ZNF236: variants seen among roughly 807,000 people sequenced by gnomAD.
ZNF236 encodes zinc finger protein 236.
A neutral mutation model predicts 191.2 loss-of-function variants in ZNF236; 50 were observed. The observed-to-expected ratio is 0.26, with a 90% CI of 0.21 to 0.33. The LOEUF (loss-of-function observed/expected upper bound fraction) is 0.33, where lower values mean the gene tolerates loss of function less well. ZNF236 is among the 10% of genes least tolerant of loss of function. The pLI is 1.00. For synonymous variants in ZNF236, 907 were observed against 928.8 expected, an observed-to-expected ratio of 0.98 and a Z score of 0.43; for missense variants, 1,754 against 2,374.5, an observed-to-expected ratio of 0.74 and a Z score of 5.43.
chr18:76,937,115 C>T (rs1968021124), intron 25 of ZNF236, 41 bp from the exon 26 acceptor site: 2 of 1,590,608 alleles, frequency 1.3e-6, no homozygotes, highest in Non-Finnish European at 1.7e-6. Context: ...CTGGACTTGT[C>T]TGGCCTTCCC....
At chr18:76,908,205 G>A (rs1299923381) in intron 13 of ZNF236, 115 bp from the exon 14 acceptor site, 9 of 1,369,706 alleles carry the variant, frequency 6.6e-6, no homozygotes, top group African/African-American at 1.4e-5. Context: ...ACTTCAAAAT[G>A]AAATCATTAA....
intron 30 of ZNF236, among the ~76,000 whole-genome samples, chr18:76,964,761 T>TGTTTAGGATTGTGGTATTGTCC (rs1267493196): frequency 6.6e-6 from 1 of 152,210 alleles, no homozygotes; most frequent in Non-Finnish European, 1.5e-5. Context: ...GGTGCATGTA[T>TGTTTAGGATTGTGGTATTGTCC]GTTTAGGATT....
At chr18:76,874,302 A>T (rs1976658330) in intron 5 of ZNF236, among the ~76,000 whole-genome samples, 1 of 152,170 alleles carries the variant, frequency 6.6e-6, no homozygotes, top group Non-Finnish European at 1.5e-5. Context: ...CAGGGATCTG[A>T]TGTTATTATG....
rs537537640 is a variant in ZNF236, at chr18:76,896,061, A to G, written c.1690+776A>G. ...ATGGGTACTAAACTCAGTATCAAGC[A>G]CAGTACCAAACACAGTACTAAATAC... is the stretch of plus-strand genomic sequence containing the variant. On this transcript the variant is annotated intron_variant, in intron 10 of 30. Coordinates refer to ENST00000320610, the MANE Select transcript of ZNF236 (RefSeq NM_001306089.2). 2.0e-5 allele frequency among the ~76,000 whole-genome samples: 3 copies of G among 152,070 alleles called. No homozygotes were observed. The South Asian group carries it at 6.2e-4, about 32-fold the overall frequency.
At position 76,968,981 on chromosome 18, in the gene ZNF236, A is replaced by G; in HGVS notation, c.*642A>G. The G allele has an allele frequency of 1.0e-6, 1 of 985,980 alleles. No individual in the cohort carries two copies. The highest frequency in any genetic ancestry group is 1.2e-6 in the Non-Finnish European group (1 of 830,028). The allele number at this position is 985,980 out of a possible 1,614,324, so 61.1% of individuals were successfully genotyped here. On this transcript the variant is annotated 3_prime_UTR_variant, in exon 31 of 31. Transcript: ENST00000320610. ...AGAATGCAGTATCTGGGGCGTCAAC[A>G]TGGGGACTCGAGTAAACCTGACCCA... is the stretch of plus-strand genomic sequence containing the variant.
chr18:76,948,646 C>T (rs1238434489), intron 27 of ZNF236, among the ~76,000 whole-genome samples: 2 of 152,212 alleles, frequency 1.3e-5, no homozygotes, highest in African/African-American at 2.4e-5. Flanking sequence ...CCAGTGAGGT[C>T]ACACGGACAC....
At chr18:76,849,716 A>C in intron 2 of ZNF236, 48 bp downstream of exon 2, 2 of 1,420,188 alleles carry the variant, frequency 1.4e-6, no homozygotes, top group Non-Finnish European at 1.9e-6. Context: ...TTGAAACTGG[A>C]GGTATTGTAA....
At chr18:76,854,856 G>A (rs1227839155) in intron 3 of ZNF236, among the ~76,000 whole-genome samples, 1 of 152,014 alleles carries the variant, frequency 6.6e-6, no homozygotes, top group East Asian at 1.9e-4. Context: ...ACCTTCTCTT[G>A]CAGAGTTTAG....
intron 12 of ZNF236, among the ~76,000 whole-genome samples, chr18:76,904,740 A>G (rs1223084745): frequency 3.3e-5 from 5 of 152,362 alleles, no homozygotes; most frequent in Non-Finnish European, 5.9e-5. Context: ...GTATATGCTC[A>G]TTAAATTTCA....
At chr18:76,895,969 G>T (rs930629657) in intron 10 of ZNF236, among the ~76,000 whole-genome samples, 1 of 151,588 alleles carries the variant, frequency 6.6e-6, no homozygotes, top group Non-Finnish European at 1.5e-5. Context: ...AGTATGGCCC[G>T]CAGTGCTGCA....
Position 76,913,799 on chromosome 18 carries a change from G to A in ZNF236, c.2962G>A (p.Val988Met), listed in dbSNP as rs551622888. ...FKKSSHLKQH[V>M]RSHTGEKPYK... ...GAAGTCCAGCCACCTGAAGCAGCAT[G>A]TGCGGTCGCACACCGGGGAAAAGCC... Residue 988 changes from valine to methionine, a missense_variant, in exon 18 of 31, where the codon GTG (valine) becomes ATG (methionine). Transcript: ENST00000320610. 4.3e-6 allele frequency: 7 copies of A among 1,614,238 alleles called. No individual in the cohort carries two copies. The East Asian group carries it at 1.1e-4, about 26-fold the overall frequency.
rs752958945 is a variant in ZNF236 at position 76,925,310 on chromosome 18, T to C, written c.3783T>C (p.Arg1261=). 3.1e-6 allele frequency: 5 copies of C among 1,614,170 alleles called. No individual in the cohort carries two copies. In the South Asian group the frequency reaches 5.5e-5, roughly 18 times the overall value. Residue 1261 remains arginine, a synonymous_variant, in exon 22 of 31, where the codon CGT becomes CGC. Transcript: ENST00000320610. The surrounding 1 kb of genome is among the most constrained non-coding windows in gnomAD (Gnocchi z 5.7). ...TCAAATGCCCGCATTGCGAGCTGCG[T>C]TTCCGTACCTCGGGTAGAAGAAAGA... ...KPFKCPHCEL[R]FRTSGRRKTH...
At chr18:76,868,976 C>T in intron 4 of ZNF236, 113 bp downstream of exon 4, 1 of 1,017,252 alleles carries the variant, frequency 9.8e-7, no homozygotes, top group Non-Finnish European at 1.4e-6. Context: ...AAAGTGGAAC[C>T]CCACAGATAA....
chr18:76,879,100 G>A (rs956513229), intron 7 of ZNF236, among the ~76,000 whole-genome samples: 18 of 152,078 alleles, frequency 1.2e-4, no homozygotes, highest in Admixed American at 3.3e-4. Flanking sequence ...TTTTAACGTT[G>A]TGTAAATCAA....
intron 3 of ZNF236, among the ~76,000 whole-genome samples, chr18:76,854,389 G>T (rs1446895359): frequency 6.6e-6 from 1 of 151,776 alleles, no homozygotes; most frequent in Non-Finnish European, 1.5e-5. Context: ...ATAATATATT[G>T]TAAATACCTG....
chr18:76,943,830 A>G (rs1266511047), intron 26 of ZNF236, among the ~76,000 whole-genome samples: 2 of 152,178 alleles, frequency 1.3e-5, no homozygotes, highest in East Asian at 1.9e-4. Flanking sequence ...TTACTCTTGT[A>G]CTTGTAAATA....
At chr18:76,876,961 G>T (rs1485670803) in intron 6 of ZNF236, among the ~76,000 whole-genome samples, 1 of 152,168 alleles carries the variant, frequency 6.6e-6, no homozygotes, top group Non-Finnish European at 1.5e-5. Flanking sequence ...AGCCTCTAAA[G>T]ATTGGTTCAT....
intron 3 of ZNF236, among the ~76,000 whole-genome samples, chr18:76,853,396 C>T (rs145663161): frequency 1.1e-4 from 17 of 152,134 alleles, no homozygotes; most frequent in African/African-American, 2.9e-4. Context: ...ATATTTTCTA[C>T]GTGATTTTGG....
rs142780029 is a variant in ZNF236 at position 76,868,859 on chromosome 18, A to G, written c.538A>G (p.Ile180Val). ...GGAACACATGAAGACTCATTACAAA[A>G]TTAGGTATGAGTCATTACATGGGCT... The part of the protein sequence containing the change: ...LKEHMKTHYK[I>V]RVSSTRSYNR... The change falls in exon 4 of 31, where the codon ATT (isoleucine) becomes GTT (valine). Residue 180 changes from isoleucine to valine, a missense_variant. Physicochemically the swap from Ile to Val is conservative, Grantham distance 29. Around this residue, in one of 5 missense-constraint regions of ZNF236, gnomAD observed 336 missense variants for 495.1 expected, o/e 0.68. Transcript: ENST00000320610. 4.6e-3 allele frequency: 7,316 copies of G among 1,600,892 alleles called. 13 individuals are homozygous for G. Among genetic ancestry groups the G allele is most frequent in the Non-Finnish European group, 5.6e-3 (6,576 of 1,174,444 alleles).
Sources: allele counts gnomAD v4.1 joint callset (sites outside exome capture counted in the v4.1 genomes callset), GRCh38; gene constraint gnomAD v4.1.1; regional missense constraint gnomAD v4.1.1; non-coding constraint Gnocchi (gnomAD v3.1); transcripts MANE v1.5; gene names NCBI Gene and HGNC (gene_info 2026-07-23, HGNC 2026-07-21).